The following KLHL18 variants were observed in gnomAD, a reference collection of about 807,000 sequenced individuals.
The protein encoded by KLHL18 is kelch-like protein 18.
Under a neutral mutation model 58.5 loss-of-function variants are expected in KLHL18, and 38 were observed. The ratio of observed to expected loss-of-function variants is 0.65; its 90% CI spans 0.50 to 0.85. KLHL18 has a LOEUF of 0.85. KLHL18 is among the 40% of genes least tolerant of loss of function. The pLI is 0.00. For synonymous variants in KLHL18, 303 were observed against 301.9 expected, an observed-to-expected ratio of 1.00 and a Z score of -0.04; for missense variants, 624 against 778.4, an observed-to-expected ratio of 0.80 and a Z score of 2.36.
At chr3:47,319,122 T>C (rs1703524155) in intron 1 of KLHL18, among the ~76,000 whole-genome samples, 2 of 152,200 alleles carry the variant, frequency 1.3e-5, no homozygotes. Flanking sequence ...TTGGCCTCTG[T>C]CCCTGCTAGC....
chr3:47,310,123 T>C (rs764813451), intron 1 of KLHL18, among the ~76,000 whole-genome samples: 6 of 152,206 alleles, frequency 3.9e-5, no homozygotes, highest in Non-Finnish European at 7.3e-5. Context: ...TCTTTTACTT[T>C]CTTTGGGAAC....
In KLHL18 at chr3:47,330,159, C is replaced by T. The variant is rs368476539; in HGVS notation, c.600+10C>T. 5.6e-6 allele frequency: 9 copies of T among 1,612,482 alleles called. No homozygotes were observed. The highest frequency in any genetic ancestry group is 7.6e-6 in the Non-Finnish European group (9 of 1,178,732). On this transcript the variant is annotated intron_variant, in intron 4 of 9. Coordinates refer to ENST00000232766, the MANE Select transcript of KLHL18 (RefSeq NM_025010.5). ...CAAATCTGAGGAGCAGGTATGTGAG[C>T]CCAGTAGCAGTCTGTGCAGGTGACA...
chr3:47,304,366 G>A (rs868809126), intron 1 of KLHL18, among the ~76,000 whole-genome samples: 8 of 152,032 alleles, frequency 5.3e-5, no homozygotes, highest in South Asian at 2.1e-4. Flanking sequence ...GCTGGGTATG[G>A]TGGTGCGCAT....
At chr3:47,339,921 A>C (rs993827678) in intron 7 of KLHL18, among the ~76,000 whole-genome samples, 1 of 152,058 alleles carries the variant, frequency 6.6e-6, no homozygotes, top group African/African-American at 2.4e-5. Flanking sequence ...GGTGGTGCAC[A>C]CCTGTAATCC....
intron 3 of KLHL18, among the ~76,000 whole-genome samples, chr3:47,326,516 C>T (rs1204316773): frequency 6.6e-6 from 1 of 152,114 alleles, no homozygotes; most frequent in Non-Finnish European, 1.5e-5. Context: ...CTTGCATGGG[C>T]CCCTTTCCTG....
intron 1 of KLHL18, among the ~76,000 whole-genome samples, chr3:47,308,732 TC>T (rs1212891840): frequency 6.6e-6 from 1 of 151,448 alleles, no homozygotes; most frequent in Non-Finnish European, 1.5e-5. Flanking sequence ...CTTCCTTCCC[TC>T]CCTCCCTCCT....
At chr3:47,299,762 G>C (rs984366670) in intron 1 of KLHL18, among the ~76,000 whole-genome samples, 11 of 139,368 alleles carry the variant, frequency 7.9e-5, no homozygotes, top group Non-Finnish European at 1.7e-4. Context: ...GGGAGGTCCA[G>C]GGTGCAGTGA....
intron 1 of KLHL18, among the ~76,000 whole-genome samples, chr3:47,288,890 G>C (rs1248133201): frequency 6.6e-6 from 1 of 152,224 alleles, no homozygotes; most frequent in African/African-American, 2.4e-5. Context: ...CTTCTTCCCA[G>C]CGTTGAGTTT....
Position 47,305,644 on chromosome 3 carries a change from A to T in KLHL18, c.130-14009A>T, listed in dbSNP as rs377078542. 5.9e-5 allele frequency among the ~76,000 whole-genome samples: 9 copies of T among 152,210 alleles called. No homozygotes were observed. The East Asian group carries it at 1.3e-3, about 23-fold the overall frequency. On this transcript the variant is annotated intron_variant, in intron 1 of 9. Transcript: ENST00000232766. ...TAAAATGAACTTGGAGTTATCCCTTAATCTTCTGTTTTCTGGAAGAGATTG... is the reference window on the plus strand; with the variant it reads ...TAAAATGAACTTGGAGTTATCCCTTTATCTTCTGTTTTCTGGAAGAGATTG...
At chr3:47,332,741 G>A (rs892664019) in intron 4 of KLHL18, among the ~76,000 whole-genome samples, 1 of 151,962 alleles carries the variant, frequency 6.6e-6, no homozygotes, top group Non-Finnish European at 1.5e-5. Flanking sequence ...TAAAAATAGG[G>A]GAGTGGGTTT....
At position 47,290,890 on chromosome 3, in the gene KLHL18, T is replaced by C. The variant is rs148173603; in HGVS notation, c.129+7796T>C. 8.0e-4 allele frequency among the ~76,000 whole-genome samples: 122 copies of C among 152,370 alleles called. 2 individuals carry two copies. The East Asian group carries it at 0.017, about 21-fold the overall frequency. ...TAATCTCCTTGTTCAAGTTATGTTG[T>C]GAATAATGCTGTTAAATTTGGACAC... On this transcript the variant is annotated intron_variant, in intron 1 of 9. Coordinates refer to ENST00000232766, the MANE Select transcript of KLHL18 (RefSeq NM_025010.5).
At chr3:47,328,464 GTCA>G (rs1483110549) in intron 3 of KLHL18, among the ~76,000 whole-genome samples, 1 of 152,138 alleles carries the variant, frequency 6.6e-6, no homozygotes, top group Non-Finnish European at 1.5e-5. Flanking sequence ...GGTAGCTGTT[GTCA>G]TCATCTTCTT....
At position 47,300,794 on chromosome 3, in the gene KLHL18, A is replaced by G. The variant is rs577520540; in HGVS notation, c.129+17700A>G. On this transcript the variant is annotated intron_variant, in intron 1 of 9. Transcript: ENST00000232766. ...AGCTAGGATTCTAGGATGCGCCACT[A>G]TGCCTGGCTAATTTTTGTATTTTTA... Among the ~76,000 whole-genome samples the G allele has an allele frequency of 4.0e-5, 6 of 151,812 alleles. No homozygotes were observed. The East Asian group carries it at 9.7e-4, about 25-fold the overall frequency.
intron 1 of KLHL18, among the ~76,000 whole-genome samples, chr3:47,297,879 C>T (rs905051406): frequency 1.3e-5 from 2 of 152,078 alleles, no homozygotes; most frequent in African/African-American, 4.8e-5. Flanking sequence ...CTGTAGTGGA[C>T]GCTTGTACCA....
chr3:47,336,673 G>T lies in KLHL18; in HGVS notation c.1037G>T (p.Gly346Val). ...GLLYAIGGYD[G>V]QLRLSTVEAY... The stretch of plus-strand genomic sequence containing the variant: ...CTCTATGCCATCGGAGGATATGACG[G>T]CCAGCTACGGCTGAGCACTGTGGAG... The change falls in exon 7 of 10, where the codon GGC (glycine) becomes GTC (valine). Residue 346 changes from glycine (G) to valine (V), a missense_variant. Transcript: ENST00000232766. The T allele has an allele frequency of 6.2e-7, 1 of 1,614,230 alleles. No homozygotes were observed. Among genetic ancestry groups the T allele is most frequent in the Non-Finnish European group, 8.5e-7 (1 of 1,180,034 alleles).
chr3:47,334,847 C>G lies in KLHL18; in HGVS notation c.898+28C>G. On this transcript the variant is annotated intron_variant, in intron 6 of 9. Coordinates refer to ENST00000232766, the MANE Select transcript of KLHL18 (RefSeq NM_025010.5). The surrounding 1 kb of genome is among the most constrained non-coding windows in gnomAD (Gnocchi z 4.7). ...ACCTTGCGGCTCCCCTTTATAGACC[C>G]TCCTCTTGGACTCCATGGATGAGGA... is the stretch of plus-strand genomic sequence containing the variant. 6.3e-7 allele frequency: 1 copy of G among 1,589,400 alleles called. No individual in the cohort carries two copies. Among genetic ancestry groups the G allele is most frequent in the Non-Finnish European group, 8.6e-7 (1 of 1,167,068 alleles).
chr3:47,321,386 G>A (rs1039209442), intron 2 of KLHL18, among the ~76,000 whole-genome samples: 3 of 147,836 alleles, frequency 2.0e-5, no homozygotes, highest in Non-Finnish European at 3.0e-5. Context: ...TCACTCTGTC[G>A]CCCAGGCTAG....
intron 1 of KLHL18, among the ~76,000 whole-genome samples, chr3:47,298,783 T>C (rs1443698685): frequency 6.6e-5 from 10 of 152,212 alleles, no homozygotes; most frequent in Admixed American, 6.5e-5. Context: ...GAAACTGTTA[T>C]ATAAATGAAA....
intron 1 of KLHL18, among the ~76,000 whole-genome samples, chr3:47,317,681 A>G (rs1323715493): frequency 6.6e-6 from 1 of 152,170 alleles, no homozygotes; most frequent in Admixed American, 6.5e-5. Flanking sequence ...CTTGGCTACA[A>G]ATAATATTTA....
Sources: gnomAD v4.1 joint callset for allele counts (sites outside exome capture counted in the v4.1 genomes callset) on GRCh38, gnomAD v4.1.1 for gene constraint, Gnocchi (gnomAD v3.1) non-coding constraint, MANE v1.5 for transcripts, NCBI Gene and HGNC (gene_info 2026-07-23, HGNC 2026-07-21) for gene names.